CBR1: variants seen among roughly 807,000 people sequenced by gnomAD.
CBR1 encodes the protein carbonyl reductase [NADPH] 1.
CBR1 carries 11 observed loss-of-function variants against 10.6 expected under a neutral mutation model. The ratio of observed to expected loss-of-function variants is 1.03; its 90% CI spans 0.65 to 1.71. The LOEUF is 1.71. Among genes scored for constraint, CBR1 ranks in the 40% most tolerant of loss-of-function variants. The pLI is 0.00. For synonymous variants in CBR1, 158 were observed against 156.7 expected (o/e 1.01, Z -0.06); for missense variants, 361 against 368.6 (o/e 0.98, Z 0.17).
chr21:36,070,879 T>TAGTATCATTGTA, intron 1 of CBR1, 71 bp from the exon 2 acceptor site: 1 of 903,904 alleles, frequency 1.1e-6, no homozygotes, highest in Non-Finnish European at 1.7e-6. Flanking sequence ...TTTTTTTTTT[T>TAGTATCATTGTA]TAGTATCATT....
At position 36,070,328 on chromosome 21, in the gene CBR1, C is replaced by T; in HGVS notation, c.213C>T (p.Arg71=). 2.5e-6 allele frequency: 4 copies of T among 1,613,358 alleles called. No homozygotes were observed. The highest frequency in any genetic ancestry group is 3.4e-6 in the Non-Finnish European group (4 of 1,179,978). The change falls in exon 1 of 3, where the codon CGC becomes CGT. Residue 71 remains arginine (R), a synonymous_variant. Coordinates refer to ENST00000290349, the MANE Select transcript of CBR1 (RefSeq NM_001757.4). ...QLDIDDLQSI[R]ALRDFLRKEY... is the part of the protein sequence containing the mutation. ...ACATCGACGATCTGCAGAGCATCCG[C>T]GCCCTGCGCGACTTCCTGCGCAAGG...
chr21:36,070,834 T>C, intron 1 of CBR1, 116 bp from the exon 2 acceptor site: 1 of 651,114 alleles, frequency 1.5e-6, no homozygotes, highest in South Asian at 2.0e-5. Context: ...ACAGACTTAC[T>C]TTAGGCAGAG....
chr21:36,072,371 C>G (rs1254807320), intron 2 of CBR1, 75 bp from the exon 3 acceptor site: 10 of 1,612,836 alleles, frequency 6.2e-6, no homozygotes, highest in Non-Finnish European at 8.5e-6. Flanking sequence ...CTCCAAAATC[C>G]CTGCAAATTT....
intron 2 of CBR1, chr21:36,071,645 G>T: frequency 3.4e-6 from 2 of 594,250 alleles, no homozygotes; most frequent in Non-Finnish European, 3.0e-6. Context: ...AGGTCACCAT[G>T]CCCCACCCCT....
chr21:36,072,307 C>T (rs762177714), intron 2 of CBR1, 139 bp from the exon 3 acceptor site: 8 of 1,563,604 alleles, frequency 5.1e-6, no homozygotes, highest in Non-Finnish European at 5.2e-6. Flanking sequence ...ACTTTCTATG[C>T]GTATTCCTCT....
At chr21:36,070,863 T>TG (rs2065346832) in intron 1 of CBR1, 87 bp from the exon 2 acceptor site, 45 of 695,714 alleles carry the variant, frequency 6.5e-5, no homozygotes, top group Middle Eastern at 6.7e-4. Flanking sequence ...GTTTTTTTTT[T>TG]TTTTTTTTTT....
chr21:36,070,950 T>C lies in CBR1; in HGVS notation c.290T>C (p.Val97Ala). ...CTATGTTCTCTTTCTCTCCTAAAAG[T>C]TGCTGATCCCACACCCTTTCATATT... ...LVNNAGIAFK[V>A]ADPTPFHIQA... Residue 97 changes from valine to alanine, a missense_variant and splice_region_variant, in exon 2 of 3, where the codon GTT becomes GCT. By Grantham distance (64) the Val-to-Ala change is moderately conservative (BLOSUM62 0). Transcript: ENST00000290349. The C allele has an allele frequency of 6.2e-7, 1 of 1,606,126 alleles. No homozygotes were observed.
chr21:36,072,151 C>T (rs1389005035), intron 2 of CBR1: 1 of 1,543,220 alleles, frequency 6.5e-7, no homozygotes, highest in Non-Finnish European at 8.7e-7. Context: ...TATCCTGTTT[C>T]CCTGTCCTGT....
intron 2 of CBR1, chr21:36,071,952 GT>G: frequency 6.5e-7 from 1 of 1,535,960 alleles, no homozygotes; most frequent in Non-Finnish European, 8.7e-7. Context: ...CCCCTTCAAC[GT>G]GCTGAAGGTG....
At chr21:36,071,306 G>C (rs1360404532) in intron 2 of CBR1, 7 of 654,904 alleles carry the variant, frequency 1.1e-5, no homozygotes, top group African/African-American at 5.4e-5. Flanking sequence ...TCATCCTTCA[G>C]GTCTTAGCTC....
chr21:36,072,546 G>T lies in CBR1; in HGVS notation c.498G>T (p.Glu166Asp), dbSNP rs774636988. ...TCCGCAGTGAGACCATCACTGAGGA[G>T]GAGCTGGTGGGGCTCATGAACAAGT... ...QKFRSETITEEELVGLMNKFV... is the reference protein window; with the variant it reads ...QKFRSETITEDELVGLMNKFV... The change falls in exon 3 of 3, where the codon GAG becomes GAT. Residue 166 changes from glutamate (E) to aspartate (D), a missense_variant. Physicochemically the swap from Glu to Asp is conservative, Grantham distance 45. Coordinates refer to ENST00000290349, the MANE Select transcript of CBR1 (RefSeq NM_001757.4). The T allele has an allele frequency of 6.2e-7, 1 of 1,601,032 alleles. No individual in the cohort carries two copies. Among genetic ancestry groups the T allele is most frequent in the East Asian group, 2.2e-5 (1 of 44,758 alleles).
chr21:36,070,055 G>C lies in CBR1; in HGVS notation c.-61G>C. The C allele has an allele frequency of 7.0e-7, 1 of 1,433,956 alleles. No homozygotes were observed. The highest frequency in any genetic ancestry group is 1.5e-5 in the South Asian group (1 of 66,486). 88.8% of individuals were successfully genotyped at this position (1,433,956 alleles called of 1,614,324 possible). ...GAGCAGTCTCTGGAACACGCTGCGGGGCTCCCGGGCCTGAGCCAGGTCTGT... is the reference window on the plus strand; with the variant it reads ...GAGCAGTCTCTGGAACACGCTGCGGCGCTCCCGGGCCTGAGCCAGGTCTGT... On this transcript the variant is annotated 5_prime_UTR_variant, in exon 1 of 3. Coordinates refer to ENST00000290349, the MANE Select transcript of CBR1 (RefSeq NM_001757.4).
At chr21:36,071,356 C>T in intron 2 of CBR1, 1 of 615,540 alleles carries the variant, frequency 1.6e-6, no homozygotes, top group South Asian at 1.9e-5. Flanking sequence ...GCTCCATTCC[C>T]CTCTGCGTGG....
rs1269079411 is a variant in CBR1, at chr21:36,072,840, C to A, written c.792C>A (p.Pro264=). The change falls in exon 3 of 3, where the codon CCC becomes CCA. Residue 264 remains proline, a synonymous_variant. Transcript: ENST00000290349. ...LALLPPDAEG[P]HGQFVSEKRV... ...TTTTGCCCCCAGATGCTGAGGGTCC[C>A]CATGGACAATTTGTTTCAGAGAAGA... 1.9e-6 allele frequency: 3 copies of A among 1,613,672 alleles called. No homozygotes were observed. Among genetic ancestry groups the A allele is most frequent in the Non-Finnish European group, 2.5e-6 (3 of 1,179,918 alleles).
At chr21:36,072,207 C>A in intron 2 of CBR1, 1 of 1,550,570 alleles carries the variant, frequency 6.4e-7, no homozygotes, top group Non-Finnish European at 8.7e-7. Flanking sequence ...TTCACCAGGA[C>A]CTCAAAGGGC....
rs66638540 is a variant in CBR1 at position 36,070,853 on chromosome 21, GTTT to G, written c.290-72_290-70del. On this transcript the variant is annotated intron_variant, in intron 1 of 2. Transcript: ENST00000290349. ...ACTTACTTTAGGCAGAGGGCACTAA[GTTT>G]TTTTTTTTTTTTTTTTTTTTTTTTA... is the stretch of plus-strand genomic sequence containing the variant. 8.7e-4 allele frequency: 443 copies of G among 508,324 alleles called. 4 individuals are homozygous for G. The highest frequency in any genetic ancestry group is 1.2e-3 in the Middle Eastern group (3 of 2,504). The allele number at this position is 508,324 out of a possible 1,614,324, so 31.5% of individuals were successfully genotyped here. A position where few individuals can be genotyped will look rare whatever the true frequency, so the allele number is the denominator to read the frequency against.
chr21:36,070,802 T>G (rs2123835424), intron 1 of CBR1, 148 bp from the exon 2 acceptor site: 2 of 614,750 alleles, frequency 3.3e-6, no homozygotes, highest in East Asian at 2.7e-5. Flanking sequence ...AGATTGACAT[T>G]GGCACAATAC....
chr21:36,070,823 T>A, intron 1 of CBR1, 127 bp from the exon 2 acceptor site: 1 of 632,768 alleles, frequency 1.6e-6, no homozygotes, highest in Non-Finnish European at 2.7e-6. Context: ...TGTAACCAGA[T>A]ACAGACTTAC....
At chr21:36,070,553 C>A in intron 1 of CBR1, 149 bp downstream of exon 1, 1 of 754,694 alleles carries the variant, frequency 1.3e-6, no homozygotes, top group Non-Finnish European at 2.0e-6. Context: ...TGAGAGTTTT[C>A]CAGCCAAAGG....
Sources: allele counts gnomAD v4.1 joint callset, GRCh38; gene constraint gnomAD v4.1.1; transcripts MANE v1.5; gene names NCBI Gene and HGNC (gene_info 2026-07-23, HGNC 2026-07-21).